Variants in CREB5 observed in about 807,000 individuals in gnomAD.
The protein encoded by CREB5 is cyclic AMP-responsive element-binding protein 5.
In CREB5, 19 loss-of-function variants were observed where a neutral mutation model predicts 57.1. That is an observed-to-expected ratio of 0.33 (90% CI 0.23 to 0.49). CREB5 has a LOEUF of 0.49. Ranked by LOEUF, CREB5 falls within the 20% of genes least tolerant of loss-of-function variation. The pLI is 0.99. For synonymous variants in CREB5, 238 were observed against 238.3 expected (o/e 1.00, Z 0.01); for missense variants, 579 against 671.6 (o/e 0.86, Z 1.52).
chr7:28,342,487 C>G (rs1294399824), intron 1 of CREB5, among the ~76,000 whole-genome samples: 1 of 152,186 alleles, frequency 6.6e-6, no homozygotes, highest in Non-Finnish European at 1.5e-5. Context: ...ATCAGTACAT[C>G]AAACAACTCA....
chr7:28,538,570 C>T (rs538363920), intron 4 of CREB5, among the ~76,000 whole-genome samples: 34 of 152,068 alleles, frequency 2.2e-4, no homozygotes, highest in Middle Eastern at 3.4e-3. Flanking sequence ...TGTCAGTTTT[C>T]TTTATTGTAT....
At chr7:28,336,321 G>A (rs1785821015) in intron 1 of CREB5, among the ~76,000 whole-genome samples, 1 of 152,034 alleles carries the variant, frequency 6.6e-6, no homozygotes, top group South Asian at 2.1e-4. Context: ...AAGCCATTGA[G>A]TCTCGGGCTT....
chr7:28,381,584 C>A (rs775018777), intron 1 of CREB5, among the ~76,000 whole-genome samples: 1 of 152,184 alleles, frequency 6.6e-6, no homozygotes, highest in African/African-American at 2.4e-5. Context: ...TGAAGCATTA[C>A]AGAATGATTG....
intron 1 of CREB5, among the ~76,000 whole-genome samples, chr7:28,419,989 G>T (rs1167973143): frequency 2.6e-5 from 4 of 152,122 alleles, no homozygotes; most frequent in Non-Finnish European, 5.9e-5. Context: ...ATTTGAAATT[G>T]TACTTTTTGC....
At chr7:28,790,472 G>GAGAGAGAA (rs1562643098) in intron 7 of CREB5, among the ~76,000 whole-genome samples, 41 of 124,946 alleles carry the variant, frequency 3.3e-4, no homozygotes, top group Admixed American at 7.6e-4. Flanking sequence ...TAGAGAGAGA[G>GAGAGAGAA]AGAAAGAAAG....
intron 7 of CREB5, among the ~76,000 whole-genome samples, chr7:28,738,900 C>T (rs1010631958): frequency 3.9e-5 from 6 of 152,078 alleles, no homozygotes; most frequent in African/African-American, 1.4e-4. Context: ...CTTTTCCTCC[C>T]GAAATATTTA....
At chr7:28,391,094 G>T in intron 1 of CREB5, among the ~76,000 whole-genome samples, 1 of 152,066 alleles carries the variant, frequency 6.6e-6, no homozygotes, top group East Asian at 1.9e-4. Context: ...CTAGCACATT[G>T]GCTATTCGTT....
chr7:28,615,414 G>T (rs1207406765), intron 5 of CREB5: 2 of 152,398 alleles, frequency 1.3e-5, no homozygotes, highest in Non-Finnish European at 2.9e-5. Context: ...AGCCACGGAG[G>T]CCAGTCACCT....
chr7:28,531,567 C>T (rs1793729660), intron 4 of CREB5, among the ~76,000 whole-genome samples: 1 of 152,112 alleles, frequency 6.6e-6, no homozygotes, highest in South Asian at 2.1e-4. Context: ...GACCCTGTTG[C>T]CAAACAAGGT....
chr7:28,468,465 C>T (rs1212525536), intron 1 of CREB5, among the ~76,000 whole-genome samples: 2 of 152,310 alleles, frequency 1.3e-5, no homozygotes, highest in African/African-American at 2.4e-5. Context: ...AGACATGGAA[C>T]GTGGCATCTT....
chr7:28,498,830 T>C (rs35514097), intron 3 of CREB5, among the ~76,000 whole-genome samples: 32,464 of 152,074 alleles, frequency 0.21, 3,951 homozygotes, highest in African/African-American at 0.33. Context: ...TCTAGAGCCC[T>C]AATGTGATGA....
intron 7 of CREB5, among the ~76,000 whole-genome samples, chr7:28,737,981 A>G (rs913478358): frequency 3.9e-5 from 6 of 152,204 alleles, no homozygotes; most frequent in Non-Finnish European, 1.5e-5. Flanking sequence ...AATTGTAAAC[A>G]CATGTTATTG....
chr7:28,367,676 C>T (rs1431860747), intron 1 of CREB5, among the ~76,000 whole-genome samples: 5 of 152,054 alleles, frequency 3.3e-5, no homozygotes, highest in Non-Finnish European at 5.9e-5. Flanking sequence ...GGCGTGGCAG[C>T]GCATGCCTGT....
At chr7:28,399,852 C>A (rs551493360) in intron 1 of CREB5, among the ~76,000 whole-genome samples, 1 of 151,716 alleles carries the variant, frequency 6.6e-6, no homozygotes, top group South Asian at 2.1e-4. Context: ...GTCAGGAGTT[C>A]GAGACCAGCC....
chr7:28,705,364 CAA>C (rs10686098), intron 5 of CREB5, among the ~76,000 whole-genome samples: 6 of 93,022 alleles, frequency 6.5e-5, no homozygotes, highest in Non-Finnish European at 1.1e-4. Flanking sequence ...GACTCTGACT[CAA>C]AAAAAAAAAA....
At chr7:28,677,730 G>A (rs1005361153) in intron 5 of CREB5, among the ~76,000 whole-genome samples, 3 of 152,160 alleles carry the variant, frequency 2.0e-5, no homozygotes, top group African/African-American at 4.8e-5. Context: ...GGAATTGGCC[G>A]AGTGTGGTGG....
chr7:28,390,077 T>C (rs1185170207), intron 1 of CREB5, among the ~76,000 whole-genome samples: 1 of 151,778 alleles, frequency 6.6e-6, no homozygotes, highest in Non-Finnish European at 1.5e-5. Context: ...AATAGAGATA[T>C]TTTCAAACAA....
chr7:28,809,560 T>A, intron 9 of CREB5, 146 bp downstream of exon 9: 2 of 727,426 alleles, frequency 2.7e-6, no homozygotes, highest in Non-Finnish European at 2.2e-6. Flanking sequence ...CGAGTTTTAT[T>A]AATTCCAGGA....
In CREB5 at chr7:28,383,214, A is replaced by G. The variant is rs1787001485; in HGVS notation, c.-25+83773A>G. Among the ~76,000 whole-genome samples the G allele has an allele frequency of 2.0e-5, 3 of 152,212 alleles. No individual in the cohort carries two copies. In the South Asian group the frequency reaches 6.2e-4, roughly 32 times the overall value. ...AATGTGTACATGTTAATGGTGAGAAAGATGGGATGCAGAGAAAACTAGGAC... is the reference window on the plus strand; with the variant it reads ...AATGTGTACATGTTAATGGTGAGAAGGATGGGATGCAGAGAAAACTAGGAC... On this transcript the variant is annotated intron_variant, in intron 1 of 9. Coordinates refer to the CREB5 transcript ENST00000396299.
Sources: gnomAD v4.1 joint callset for allele counts (sites outside exome capture counted in the v4.1 genomes callset) on GRCh38, gnomAD v4.1.1 for gene constraint, MANE v1.5 for transcripts, NCBI Gene and HGNC (gene_info 2026-07-23, HGNC 2026-07-21) for gene names.